MSRA: variants seen among roughly 807,000 people sequenced by gnomAD.
The protein encoded by MSRA is mitochondrial peptide methionine sulfoxide reductase.
A neutral mutation model predicts 31.3 loss-of-function variants in MSRA; 54 were observed. The observed-to-expected ratio is 1.73, with a 90% CI of 1.39 to 2.17. MSRA has a LOEUF of 2.17. Among genes scored for constraint, MSRA ranks in the 30% most tolerant of loss-of-function variants. The pLI, the probability that MSRA is intolerant of heterozygous loss-of-function variation, is 0.00. For missense variants in MSRA, 507 were observed against 300.9 expected, an observed-to-expected ratio of 1.69 and a Z score of -5.07; for synonymous variants, 169 against 116.5, an observed-to-expected ratio of 1.45 and a Z score of -2.90.
chr8:10,371,784 G>A (rs1222467193), intron 5 of MSRA, among the ~76,000 whole-genome samples: 2 of 152,172 alleles, frequency 1.3e-5, no homozygotes, highest in East Asian at 3.9e-4. Flanking sequence ...GTGCCTAAGA[G>A]GAAGGACTGT....
intron 1 of MSRA, among the ~76,000 whole-genome samples, chr8:10,197,781 T>C (rs1373330999): frequency 6.6e-6 from 1 of 152,122 alleles, no homozygotes; most frequent in Non-Finnish European, 1.5e-5. Flanking sequence ...CCAGAGAGGA[T>C]GTCAAAGACC....
chr8:10,400,510 G>A (rs1379533672), intron 5 of MSRA, among the ~76,000 whole-genome samples: 1 of 152,166 alleles, frequency 6.6e-6, no homozygotes, highest in Non-Finnish European at 1.5e-5. Flanking sequence ...GTATGACAAA[G>A]GACAAAGACA....
intron 1 of MSRA, among the ~76,000 whole-genome samples, chr8:10,207,465 C>T (rs765694326): frequency 6.6e-6 from 1 of 152,190 alleles, no homozygotes; most frequent in Non-Finnish European, 1.5e-5. Context: ...CAGGGGGACT[C>T]ACCCCCAGTT....
intron 5 of MSRA, among the ~76,000 whole-genome samples, chr8:10,387,894 G>C (rs1015839819): frequency 3.3e-5 from 5 of 152,174 alleles, no homozygotes; most frequent in Non-Finnish European, 7.3e-5. Flanking sequence ...TTCTCAGGCA[G>C]CTTCTAGGGC....
At chr8:10,157,862 T>C (rs1804288001) in intron 1 of MSRA, among the ~76,000 whole-genome samples, 1 of 152,122 alleles carries the variant, frequency 6.6e-6, no homozygotes, top group African/African-American at 2.4e-5. Flanking sequence ...AACAGCTGTA[T>C]TGACATATAA....
At chr8:10,416,460 C>T (rs551764879) in intron 5 of MSRA, among the ~76,000 whole-genome samples, 7 of 152,326 alleles carry the variant, frequency 4.6e-5, no homozygotes, top group Admixed American at 3.3e-4. Flanking sequence ...TTGTCAGTGT[C>T]CTTATGTGAG....
chr8:10,278,609 C>T (rs562256869), intron 3 of MSRA, among the ~76,000 whole-genome samples: 27 of 152,328 alleles, frequency 1.8e-4, no homozygotes, highest in Non-Finnish European at 3.2e-4. Flanking sequence ...CACCTCACGT[C>T]TGCTCACATT....
chr8:10,084,438 A>C (rs1030588468), intron 1 of MSRA, among the ~76,000 whole-genome samples: 2 of 152,244 alleles, frequency 1.3e-5, no homozygotes, highest in African/African-American at 4.8e-5. Context: ...CTTTTAGTTC[A>C]TCAAACAGAT....
At chr8:10,215,349 C>G (rs1238123108) in intron 2 of MSRA, among the ~76,000 whole-genome samples, 2 of 152,174 alleles carry the variant, frequency 1.3e-5, no homozygotes, top group African/African-American at 4.8e-5. Flanking sequence ...TGTAACATGA[C>G]AAGAAAACTG....
chr8:10,295,392 C>A (rs1800479069), intron 3 of MSRA, among the ~76,000 whole-genome samples: 1 of 152,096 alleles, frequency 6.6e-6, no homozygotes, highest in African/African-American at 2.4e-5. Context: ...TGCTCTCGTT[C>A]TTACTCCTTC....
intron 5 of MSRA, among the ~76,000 whole-genome samples, chr8:10,424,112 G>C (rs528544433): frequency 3.3e-4 from 50 of 152,360 alleles, no homozygotes; most frequent in Non-Finnish European, 5.9e-4. Flanking sequence ...AAGCGGGCAG[G>C]TTTCATAGAG....
intron 5 of MSRA, among the ~76,000 whole-genome samples, chr8:10,338,606 TAC>T (rs1362381647): frequency 1.3e-5 from 2 of 152,236 alleles, no homozygotes; most frequent in African/African-American, 2.4e-5. Flanking sequence ...CATAAAGATA[TAC>T]AGTTAGGATT....
intron 5 of MSRA, among the ~76,000 whole-genome samples, chr8:10,383,902 G>T (rs1444589034): frequency 6.6e-6 from 1 of 152,108 alleles, no homozygotes; most frequent in African/African-American, 2.4e-5. Context: ...TATTAGGGAC[G>T]GGAAGAACAT....
intron 5 of MSRA, among the ~76,000 whole-genome samples, chr8:10,408,866 G>T (rs891936553): frequency 6.6e-6 from 1 of 152,056 alleles, no homozygotes. Flanking sequence ...ATGGCCTCCA[G>T]TTCTCTCCAC....
chr8:10,323,559 C>G (rs568122910), intron 5 of MSRA, among the ~76,000 whole-genome samples: 1 of 152,160 alleles, frequency 6.6e-6, no homozygotes, highest in Non-Finnish European at 1.5e-5. Context: ...TGAGGGGAAC[C>G]CACGTTGATT....
chr8:10,093,522 A>G lies in MSRA; in HGVS notation c.142+38864A>G, dbSNP rs565006438. Among the ~76,000 whole-genome samples the G allele has an allele frequency of 3.9e-4, 59 of 152,298 alleles. No homozygotes were observed. In the South Asian group the frequency reaches 0.012, roughly 30 times the overall value. On this transcript the variant is annotated intron_variant, in intron 1 of 5. Coordinates refer to ENST00000317173, the MANE Select transcript of MSRA (RefSeq NM_012331.5). The stretch of plus-strand genomic sequence containing the variant: ...CCTCTTCATAGATTGTGTGCTTTTC[A>G]ACATAGGTTTATAACAACAGTTCTA...
chr8:10,166,542 T>C (rs898337207), intron 1 of MSRA, among the ~76,000 whole-genome samples: 7 of 152,200 alleles, frequency 4.6e-5, no homozygotes, highest in African/African-American at 1.7e-4. Flanking sequence ...TGTGTGCATG[T>C]GCATTTGTAT....
chr8:10,283,232 A>T (rs1295844332), intron 3 of MSRA, among the ~76,000 whole-genome samples: 2 of 151,826 alleles, frequency 1.3e-5, no homozygotes, highest in African/African-American at 4.8e-5. Context: ...TGCAAGATGC[A>T]TTCAGACGTT....
intron 3 of MSRA, among the ~76,000 whole-genome samples, chr8:10,295,553 C>A (rs1444602526): frequency 6.6e-6 from 1 of 152,186 alleles, no homozygotes; most frequent in African/African-American, 2.4e-5. Flanking sequence ...CGGCTCTGCT[C>A]GGCCTCCCTC....
Sources: gnomAD v4.1 joint callset for allele counts (sites outside exome capture counted in the v4.1 genomes callset) on GRCh38, gnomAD v4.1.1 for gene constraint, MANE v1.5 for transcripts, NCBI Gene and HGNC (gene_info 2026-07-23, HGNC 2026-07-21) for gene names.